The following ISM1 variants were observed in gnomAD, a reference collection of about 807,000 sequenced individuals.
ISM1 encodes isthmin-1.
Under a neutral mutation model 46.3 loss-of-function variants are expected in ISM1, and 25 were observed. That is an observed-to-expected ratio of 0.54 (90% CI 0.39 to 0.75). The LOEUF (loss-of-function observed/expected upper bound fraction) is 0.75, where lower values mean the gene tolerates loss of function less well. ISM1 is among the 30% of genes least tolerant of loss of function. ISM1 has a pLI of 0.00. For synonymous variants in ISM1, 255 were observed against 256.7 expected (o/e 0.99, Z 0.06); for missense variants, 536 against 625.4 (o/e 0.86, Z 1.52).
At chr20:13,273,712 A>T (rs2040141496) in intron 2 of ISM1, among the ~76,000 whole-genome samples, 2 of 152,214 alleles carry the variant, frequency 1.3e-5, no homozygotes, top group African/African-American at 4.8e-5. Flanking sequence ...GGCCAAATGG[A>T]TTAAAAATTA....
chr20:13,228,316 TA>T (rs1253413716), intron 1 of ISM1, among the ~76,000 whole-genome samples: 3 of 152,156 alleles, frequency 2.0e-5, no homozygotes, highest in African/African-American at 7.2e-5. Flanking sequence ...TTTATTTTGC[TA>T]GAACACAGTT....
At position 13,282,762 on chromosome 20, in the gene ISM1, T is replaced by G. The variant is rs533657034; in HGVS notation, c.643+2864T>G. On this transcript the variant is annotated intron_variant, in intron 3 of 5. Transcript: ENST00000262487. ...AAGCAGTGCTTCTCAGACTTTCATG[T>G]GCACATGAATAGCCCCGGGCCTTGT... 1.5e-3 allele frequency among the ~76,000 whole-genome samples: 226 copies of G among 152,322 alleles called. 4 individuals carry two copies. In the South Asian group the frequency reaches 0.046, roughly 31 times the overall value.
Position 13,294,082 on chromosome 20 carries a change from T to C in ISM1, c.877+1619T>C, listed in dbSNP as rs374982778. Among the ~76,000 whole-genome samples, 41 of 152,004 alleles carry C rather than the reference T, an allele frequency of 2.7e-4. No homozygotes were observed. The South Asian group carries it at 8.1e-3, about 30-fold the overall frequency. On this transcript the variant is annotated intron_variant, in intron 5 of 5. Coordinates refer to ENST00000262487, the MANE Select transcript of ISM1 (RefSeq NM_080826.2). Reference sequence around the variant, plus strand: ...AAAATGAAAAGCTTTATCCAAAGGGTCGGCCATGATGTGGCCGCCATGGAA... The same window carrying C: ...AAAATGAAAAGCTTTATCCAAAGGGCCGGCCATGATGTGGCCGCCATGGAA...
chr20:13,302,054 G>A (rs147807772), downstream of ISM1, among the ~76,000 whole-genome samples: 760 of 152,240 alleles, frequency 5.0e-3, 8 homozygotes, highest in African/African-American at 0.017. Flanking sequence ...TCTGAAAACC[G>A]GGAGTTTAAG....
At chr20:13,260,723 C>T (rs904191297) in intron 1 of ISM1, among the ~76,000 whole-genome samples, 8 of 151,968 alleles carry the variant, frequency 5.3e-5, no homozygotes, top group African/African-American at 1.9e-4. Context: ...TCTCATTCTA[C>T]CTCACCATGG....
chr20:13,286,582 C>CT (rs1384872519), intron 3 of ISM1, among the ~76,000 whole-genome samples: 1 of 152,008 alleles, frequency 6.6e-6, no homozygotes, highest in Non-Finnish European at 1.5e-5. Flanking sequence ...TAGATGGGGC[C>CT]TCGGGGGGCA....
downstream of ISM1, among the ~76,000 whole-genome samples, chr20:13,300,912 A>G (rs2040452434): frequency 6.6e-6 from 1 of 152,252 alleles, no homozygotes; most frequent in Admixed American, 6.5e-5. Flanking sequence ...CAAAGGCTTA[A>G]GACAGCCCAG....
At position 13,300,563 on chromosome 20, in the gene ISM1, T is replaced by C. The variant is rs2123342817; in HGVS notation, c.*1104T>C. On this transcript the variant is annotated 3_prime_UTR_variant, in exon 6 of 6. Coordinates refer to ENST00000262487, the MANE Select transcript of ISM1 (RefSeq NM_080826.2). ...TGACCTGGTCCTATGGGGTAGAACT[T>C]AGGAAAAATAAAGTTGGTTCTTATT... is the stretch of plus-strand genomic sequence containing the variant. 1 of 152,178 alleles carries C rather than the reference T, an allele frequency of 6.6e-6. No individual in the cohort carries two copies. Among genetic ancestry groups the C allele is most frequent in the East Asian group, 1.9e-4 (1 of 5,204 alleles). The allele number at this position is 152,178 out of a possible 1,614,324, so 9.4% of individuals were successfully genotyped here.
intron 1 of ISM1, among the ~76,000 whole-genome samples, chr20:13,230,403 A>G (rs2039575672): frequency 6.6e-6 from 1 of 152,124 alleles, no homozygotes; most frequent in East Asian, 1.9e-4. Context: ...GTCGTCTCCA[A>G]ATTCCATTAT....
At chr20:13,311,251 A>AGATAGATGATAGATAGAT in the ISM1 span, among the ~76,000 whole-genome samples, 1 of 127,518 alleles carries the variant, frequency 7.8e-6, no homozygotes, top group African/African-American at 3.2e-5. Flanking sequence ...GATGATAGAT[A>AGATAGATGATAGATAGAT]GATAGATAGA....
rs377416231 is a variant in ISM1 at position 13,288,668 on chromosome 20, C to T, written c.772C>T (p.Arg258Cys). The change falls in exon 4 of 6, where the codon CGT becomes TGT. Residue 258 changes from arginine (R) to cysteine (C), a missense_variant. By Grantham distance (180) the Arg-to-Cys change is radical. Coordinates refer to ENST00000262487, the MANE Select transcript of ISM1 (RefSeq NM_080826.2). Reference protein sequence around the residue: ...CTATESRTCDRPNCPGIEDTF... With the variant: ...CTATESRTCDCPNCPGIEDTF... The stretch of plus-strand genomic sequence containing the variant: ...TGCAACAGAATCGAGGACCTGTGAC[C>T]GTCCAAACTGCCCAGGTGCGTTTAC... 13 of 1,613,756 alleles carry T rather than the reference C, an allele frequency of 8.1e-6. No individual in the cohort carries two copies. Among genetic ancestry groups the T allele is most frequent in the East Asian group, 4.5e-5 (2 of 44,900 alleles).
In ISM1 at chr20:13,299,301, G is replaced by T; in HGVS notation, c.1237G>T (p.Glu413Ter). The part of the protein sequence containing the change: ...PNLISTEFSA[E>*]LHYKVDVLPW... ...CCTCATCAGCACCGAGTTCTCCGCG[G>T]AGCTCCACTACAAGGTGGACGTCCT... Residue 413 changes from glutamate (E) to a stop codon, truncating the protein, a stop_gained, in exon 6 of 6, where the codon GAG (glutamate) becomes TAG (stop). Coordinates refer to ENST00000262487, the MANE Select transcript of ISM1 (RefSeq NM_080826.2). LOFTEE classifies it high-confidence loss of function. The surrounding 1 kb of genome is among the most constrained non-coding windows in gnomAD (Gnocchi z 5.8). 1 of 1,613,540 alleles carries T rather than the reference G, an allele frequency of 6.2e-7. No homozygotes were observed. Among genetic ancestry groups the T allele is most frequent in the South Asian group, 1.1e-5 (1 of 91,008 alleles).
intron 1 of ISM1, among the ~76,000 whole-genome samples, chr20:13,246,201 AG>A (rs1351812932): frequency 2.7e-5 from 4 of 150,736 alleles, no homozygotes; most frequent in African/African-American, 9.8e-5. Context: ...TGAACCCAGG[AG>A]GCGGAGGTTG....
At chr20:13,262,551 C>T (rs2040000138) in intron 1 of ISM1, among the ~76,000 whole-genome samples, 1 of 151,886 alleles carries the variant, frequency 6.6e-6, no homozygotes, top group African/African-American at 2.4e-5. Context: ...ATTTATCCTT[C>T]ATTTCAGTTC....
chr20:13,311,855 C>G, the ISM1 span, among the ~76,000 whole-genome samples: 7 of 152,086 alleles, frequency 4.6e-5, no homozygotes, highest in African/African-American at 1.7e-4. Flanking sequence ...GAAACAAGTT[C>G]TGGAGATTTA....
Position 13,263,454 on chromosome 20 carries a change from T to C in ISM1, c.139-7050T>C, listed in dbSNP as rs182467065. The stretch of plus-strand genomic sequence containing the variant: ...TATGGTCTAAAACTCACTTTATTCA[T>C]TCTCCTGGTTTTCTCATCTTAGGAG... On this transcript the variant is annotated intron_variant, in intron 1 of 5. Transcript: ENST00000262487. Among the ~76,000 whole-genome samples, 9 of 152,282 alleles carry C rather than the reference T, an allele frequency of 5.9e-5. No individual in the cohort carries two copies. In the East Asian group the frequency reaches 1.7e-3, roughly 29 times the overall value.
chr20:13,249,170 A>C (rs1173016283), intron 1 of ISM1, among the ~76,000 whole-genome samples: 1 of 152,236 alleles, frequency 6.6e-6, no homozygotes, highest in East Asian at 1.9e-4. Context: ...TCTGGGGGGA[A>C]AAAGCCAAAT....
intron 1 of ISM1, 55 bp downstream of exon 1, chr20:13,221,969 G>A (rs574730245): frequency 8.5e-5 from 110 of 1,292,958 alleles, no homozygotes; most frequent in Admixed American, 2.5e-4. Flanking sequence ...TTTGTGGGGC[G>A]GGGGTGCTGA....
chr20:13,292,358 TC>T lies in ISM1; in HGVS notation c.788-15del, dbSNP rs1438089749. 1 of 1,546,262 alleles carries T rather than the reference TC, an allele frequency of 6.5e-7. No individual in the cohort carries two copies. Among genetic ancestry groups the T allele is most frequent in the African/African-American group, 1.4e-5 (1 of 73,542 alleles). The stretch of plus-strand genomic sequence containing the variant: ...TCCATGTAATGATGGAAAAATGAGC[TC>T]TTGTCTGTGTTTAGGAATTGAAGAC... On this transcript the variant is annotated splice_polypyrimidine_tract_variant and intron_variant, in intron 4 of 5. Coordinates refer to ENST00000262487, the MANE Select transcript of ISM1 (RefSeq NM_080826.2).
Sources: gnomAD v4.1 joint callset for allele counts (sites outside exome capture counted in the v4.1 genomes callset) on GRCh38, gnomAD v4.1.1 for gene constraint, Gnocchi (gnomAD v3.1) non-coding constraint, MANE v1.5 for transcripts, NCBI Gene and HGNC (gene_info 2026-07-23, HGNC 2026-07-21) for gene names.